ATXN2L: variants seen among roughly 807,000 people sequenced by gnomAD.
ATXN2L encodes ataxin 2 like.
ATXN2L carries 24 observed loss-of-function variants against 120.7 expected under a neutral mutation model. The ratio of observed to expected loss-of-function variants is 0.20; its 90% CI spans 0.14 to 0.28. ATXN2L has a LOEUF of 0.28. Among genes scored for constraint, ATXN2L ranks in the 10% least tolerant of loss-of-function variants. ATXN2L has a pLI of 1.00. For missense variants in ATXN2L, 1,312 were observed against 1,432.3 expected (o/e 0.92, Z 1.36); for synonymous variants, 653 against 568.1 (o/e 1.15, Z -2.13).
At chr16:28,825,879 G>A (rs2051743128) in intron 4 of ATXN2L, 38 bp downstream of exon 4, 4 of 1,559,916 alleles carry the variant, frequency 2.6e-6, no homozygotes, top group Non-Finnish European at 3.5e-6. Flanking sequence ...TGGAGTTGCA[G>A]AGTAGGAGGA....
rs759887031 is a variant in ATXN2L, at chr16:28,826,874, A to T, written c.629A>T (p.Asp210Val). 6.3e-7 allele frequency: 1 copy of T among 1,588,854 alleles called. No individual in the cohort carries two copies. The highest frequency in any genetic ancestry group is 8.6e-7 in the Non-Finnish European group (1 of 1,164,372). The change falls in exon 6 of 22, where the codon GAT becomes GTT. Residue 210 changes from aspartate to valine, a missense_variant. Coordinates refer to ENST00000336783, the MANE Select transcript of ATXN2L (RefSeq NM_007245.4). ...TCTGCCCCCACAGACAAGTTCACCGATTCAGCCATTGCCATGAACTCGAAA... is the reference window on the plus strand; with the variant it reads ...TCTGCCCCCACAGACAAGTTCACCGTTTCAGCCATTGCCATGAACTCGAAA... Reference protein sequence around the residue: ...FNYATKDKFTDSAIAMNSKVN... With the variant: ...FNYATKDKFTVSAIAMNSKVN...
At position 28,832,394 on chromosome 16, in the gene ATXN2L, C is replaced by T. The variant is rs1170207039; in HGVS notation, c.1511C>T (p.Thr504Ile). The change falls in exon 11 of 22, where the codon ACA becomes ATA. Residue 504 changes from threonine (T) to isoleucine (I), a missense_variant. Transcript: ENST00000336783. ...PASPKISLAPTDVKELSTKEP... is the reference protein window; with the variant it reads ...PASPKISLAPIDVKELSTKEP... ...TCTCCAAAGATCTCCCTGGCCCCCA[C>T]AGATGGTAAGAGCTAGGTGTTTGAG... The T allele has an allele frequency of 1.9e-6, 3 of 1,613,998 alleles. No individual in the cohort carries two copies. Among genetic ancestry groups the T allele is most frequent in the Non-Finnish European group, 1.7e-6 (2 of 1,179,980 alleles).
In ATXN2L at chr16:28,823,076, C is replaced by G. The variant is rs1412473721; in HGVS notation, c.-184C>G. 1 of 359,940 alleles carries G rather than the reference C, an allele frequency of 2.8e-6. No individual in the cohort carries two copies. Among genetic ancestry groups the G allele is most frequent in the African/African-American group, 2.1e-5 (1 of 46,554 alleles). 22.3% of individuals were successfully genotyped at this position (359,940 alleles called of 1,614,324 possible). ...CGCGAGACCCCCTCCCCTTCCGCCT[C>G]GCGGCGCTTCCTCGCGCCGCGGTCT... is the stretch of plus-strand genomic sequence containing the variant. On this transcript the variant is annotated 5_prime_UTR_variant, in exon 1 of 22. Transcript: ENST00000336783.
rs3187430 is a variant in ATXN2L, at chr16:28,836,648, C to G, written c.*383C>G. ...CTCCTTCCCAGACACACCCCCACGCCCCCACTGGACGGCATTGGAGGAAGG... is the reference window on the plus strand; with the variant it reads ...CTCCTTCCCAGACACACCCCCACGCGCCCACTGGACGGCATTGGAGGAAGG... On this transcript the variant is annotated 3_prime_UTR_variant, in exon 22 of 22. Transcript: ENST00000336783. The G allele has an allele frequency of 6.2e-7, 1 of 1,611,760 alleles. No individual in the cohort carries two copies. The highest frequency in any genetic ancestry group is 8.5e-7 in the Non-Finnish European group (1 of 1,179,554).
Position 28,832,871 on chromosome 16 carries a change from T to A in ATXN2L, c.1643T>A (p.Phe548Tyr). ...TTCCAACTGGAAGAACTGAGAAAGT[T>A]TGGGGCCCAGTTTAAGGTGAGAGAA... Reference protein sequence around the residue: ...KRFQLEELRKFGAQFKLQPSS... With the variant: ...KRFQLEELRKYGAQFKLQPSS... The change falls in exon 13 of 22, where the codon TTT becomes TAT. Residue 548 changes from phenylalanine (F) to tyrosine (Y), a missense_variant. Transcript: ENST00000336783. 6.2e-7 allele frequency: 1 copy of A among 1,614,146 alleles called. No homozygotes were observed. The highest frequency in any genetic ancestry group is 8.5e-7 in the Non-Finnish European group (1 of 1,180,028).
chr16:28,831,739 C>G (rs2054529635), intron 10 of ATXN2L, among the ~76,000 whole-genome samples: 1 of 152,052 alleles, frequency 6.6e-6, no homozygotes, highest in African/African-American at 2.4e-5. Flanking sequence ...AAAAGATTAG[C>G]TAGGCTTGAT....
At chr16:28,826,450 TTG>T in intron 5 of ATXN2L, 60 bp downstream of exon 5, 1 of 1,563,074 alleles carries the variant, frequency 6.4e-7, no homozygotes, top group Admixed American at 1.7e-5. Context: ...AGAGGGTAGT[TTG>T]TGTGCAGGTG....
Position 28,825,757 on chromosome 16 carries a change from C to T in ATXN2L, c.394-13C>T, listed in dbSNP as rs779274106. On this transcript the variant is annotated splice_polypyrimidine_tract_variant and intron_variant, in intron 3 of 21. Transcript: ENST00000336783. Reference sequence around the variant, plus strand: ...TTCTGGAGACACTCTTCTTATTTTTCCCACTCTGCCAGGGCTCCACTTGTG... The same window carrying T: ...TTCTGGAGACACTCTTCTTATTTTTTCCACTCTGCCAGGGCTCCACTTGTG... 13 of 1,613,806 alleles carry T rather than the reference C, an allele frequency of 8.1e-6. No individual in the cohort carries two copies. The highest frequency in any genetic ancestry group is 1.1e-5 in the Non-Finnish European group (13 of 1,179,838).
At chr16:28,829,287 G>C (rs1419427743) in intron 6 of ATXN2L, 114 bp from the exon 7 acceptor site, 1 of 738,592 alleles carries the variant, frequency 1.4e-6, no homozygotes, top group Non-Finnish European at 2.4e-6. Context: ...ACAGGTTTCA[G>C]CCACTGTGCC....
Position 28,832,125 on chromosome 16 carries a change from C to T in ATXN2L, c.1322-80C>T, listed in dbSNP as rs574177556. 6 of 1,473,992 alleles carry T rather than the reference C, an allele frequency of 4.1e-6. No individual in the cohort carries two copies. In the South Asian group the frequency reaches 5.9e-5, roughly 15 times the overall value. 91.3% of individuals were successfully genotyped at this position (1,473,992 alleles called of 1,614,324 possible). ...TCTGGTTGTATAGTGTGTAAACTTTCTTGCTGTTTTGAGTAAGGCCCTTGT... is the reference window on the plus strand; with the variant it reads ...TCTGGTTGTATAGTGTGTAAACTTTTTTGCTGTTTTGAGTAAGGCCCTTGT... On this transcript the variant is annotated intron_variant, in intron 10 of 21. Coordinates refer to ENST00000336783, the MANE Select transcript of ATXN2L (RefSeq NM_007245.4).
Position 28,833,435 on chromosome 16 carries a change from A to C in ATXN2L, c.1956-4A>C, listed in dbSNP as rs775285163. 6.2e-6 allele frequency: 10 copies of C among 1,614,046 alleles called. No homozygotes were observed. The highest frequency in any genetic ancestry group is 8.5e-6 in the Non-Finnish European group (10 of 1,180,016). ...GTGAAGATTTACTGTACTTTCTCTC[A>C]CAGACAAGTAAAGAAATCAACGTTG... On this transcript the variant is annotated splice_polypyrimidine_tract_variant and splice_region_variant and intron_variant, in intron 14 of 21. Coordinates refer to ENST00000336783, the MANE Select transcript of ATXN2L (RefSeq NM_007245.4).
intron 6 of ATXN2L, among the ~76,000 whole-genome samples, chr16:28,828,261 T>C (rs889295550): frequency 1.3e-5 from 2 of 152,176 alleles, no homozygotes; most frequent in Non-Finnish European, 2.9e-5. Flanking sequence ...TTACTAGTTA[T>C]TGATAATTTC....
At position 28,837,044 on chromosome 16, in the gene ATXN2L, C is replaced by T. The variant is rs565765425; in HGVS notation, c.*779C>T. ...CTCTCATCTATTCCCCCGCTGGAGACGGAAGATCTTTTATTTTCTATTATT... is the reference window on the plus strand; with the variant it reads ...CTCTCATCTATTCCCCCGCTGGAGATGGAAGATCTTTTATTTTCTATTATT... On this transcript the variant is annotated 3_prime_UTR_variant, in exon 22 of 22. Transcript: ENST00000336783. 25 of 649,382 alleles carry T rather than the reference C, an allele frequency of 3.8e-5. No individual in the cohort carries two copies. The highest frequency in any genetic ancestry group is 1.1e-4 in the African/African-American group (6 of 55,834). The allele number at this position is 649,382 out of a possible 1,614,324, so 40.2% of individuals were successfully genotyped here. A position where few individuals can be genotyped will look rare whatever the true frequency, so the allele number is the denominator to read the frequency against.
At position 28,833,059 on chromosome 16, in the gene ATXN2L, C is replaced by T; in HGVS notation, c.1660C>T (p.Leu554Phe). 6.2e-7 allele frequency: 1 copy of T among 1,613,364 alleles called. No homozygotes were observed. The highest frequency in any genetic ancestry group is 8.5e-7 in the Non-Finnish European group (1 of 1,179,526). The change falls in exon 14 of 22, where the codon CTT (leucine) becomes TTT (phenylalanine). Residue 554 changes from leucine (L) to phenylalanine (F), a missense_variant and splice_region_variant. Physicochemically the swap from Leu to Phe is conservative, Grantham distance 22. Coordinates refer to ENST00000336783, the MANE Select transcript of ATXN2L (RefSeq NM_007245.4). ...GACTGTGTGTGTTTCTCTCTTCCAGCTTCAGCCCAGTAGCTCCCCTGAGAA... is the reference window on the plus strand; with the variant it reads ...GACTGTGTGTGTTTCTCTCTTCCAGTTTCAGCCCAGTAGCTCCCCTGAGAA... Reference protein sequence around the residue: ...ELRKFGAQFKLQPSSSPENSL... With the variant: ...ELRKFGAQFKFQPSSSPENSL...
intron 21 of ATXN2L, 84 bp downstream of exon 21, chr16:28,835,842 G>C (rs1392500828): frequency 6.3e-7 from 1 of 1,590,580 alleles, no homozygotes; most frequent in Non-Finnish European, 8.6e-7. Flanking sequence ...AGTCCCTGGT[G>C]CCACCCTTGC....
chr16:28,836,163 C>T lies in ATXN2L; in HGVS notation c.3126C>T (p.Ala1042=), dbSNP rs1350252678. Residue 1042 remains alanine (A), a synonymous_variant, in exon 22 of 22, where the codon GCC becomes GCT. Coordinates refer to ENST00000336783, the MANE Select transcript of ATXN2L (RefSeq NM_007245.4). ...PGQAPGFPGG[A]DDRIREFSLA... is the part of the protein sequence containing the mutation. ...AGGCGCCTGGATTTCCAGGAGGAGCCGATGACAGGATTCGTGAGTTCTCAT... is the reference window on the plus strand; with the variant it reads ...AGGCGCCTGGATTTCCAGGAGGAGCTGATGACAGGATTCGTGAGTTCTCAT... 1.4e-5 allele frequency: 23 copies of T among 1,613,944 alleles called. No individual in the cohort carries two copies. Among genetic ancestry groups the T allele is most frequent in the Middle Eastern group, 3.3e-4 (2 of 6,082 alleles).
At position 28,832,805 on chromosome 16, in the gene ATXN2L, G is replaced by A. The variant is rs1445848942; in HGVS notation, c.1589-12G>A. ...GTTTTGTATTTTCTTCTTTTTGACT[G>A]TTTTCTCATAGTCCCTGGTCTTCAG... On this transcript the variant is annotated splice_polypyrimidine_tract_variant and intron_variant, in intron 12 of 21. Transcript: ENST00000336783. 1.9e-6 allele frequency: 3 copies of A among 1,613,602 alleles called. No individual in the cohort carries two copies. The highest frequency in any genetic ancestry group is 2.2e-5 in the South Asian group (2 of 91,048).
rs1386181694 is a variant in ATXN2L, at chr16:28,836,973, TCCTGCTCTGCCCCTGCCCGTC to T, written c.*711_*731del. ...CCAGGGTCCAGCAGGGGTGGGGGGTTCCTGCTCTGCCCCTGCCCGTCCCCACCCAGTCTTGCCCTCCCATCC... is the reference window on the plus strand; with the variant it reads ...CCAGGGTCCAGCAGGGGTGGGGGGTTCCCACCCAGTCTTGCCCTCCCATCC... On this transcript the variant is annotated 3_prime_UTR_variant, in exon 22 of 22. Transcript: ENST00000336783. The T allele has an allele frequency of 1.5e-6, 1 of 677,662 alleles. No homozygotes were observed. The highest frequency in any genetic ancestry group is 2.6e-6 in the Non-Finnish European group (1 of 381,792). The allele number at this position is 677,662 out of a possible 1,614,324, so 42.0% of individuals were successfully genotyped here. A position where few individuals can be genotyped will look rare whatever the true frequency, so the allele number is the denominator to read the frequency against.
Position 28,823,548 on chromosome 16 carries a change from G to T in ATXN2L, c.289G>T (p.Gly97Cys). 1 of 1,355,410 alleles carries T rather than the reference G, an allele frequency of 7.4e-7. No individual in the cohort carries two copies. Among genetic ancestry groups the T allele is most frequent in the South Asian group, 1.7e-5 (1 of 57,264 alleles). 84.0% of individuals were successfully genotyped at this position (1,355,410 alleles called of 1,614,324 possible). A position where few individuals can be genotyped will look rare whatever the true frequency, so the allele number is the denominator to read the frequency against. The change falls in exon 1 of 22, where the codon GGC (glycine) becomes TGC (cysteine). Residue 97 changes from glycine (G) to cysteine (C), a missense_variant. By Grantham distance (159) the Gly-to-Cys change is radical. Transcript: ENST00000336783. ...GGAGAGGCCGGGGGCAGCCGCCATC[G>T]GCAGCGCCAGGTGAGAAGGGTGGGC... The part of the protein sequence containing the change: ...HQERPGAAAI[G>C]SARGQSTGKG...
Sources: allele counts gnomAD v4.1 joint callset (sites outside exome capture counted in the v4.1 genomes callset), GRCh38; gene constraint gnomAD v4.1.1; transcripts MANE v1.5; gene names NCBI Gene and HGNC (gene_info 2026-07-23, HGNC 2026-07-21).